The following CDK5RAP1 variants were observed in gnomAD, a reference collection of about 807,000 sequenced individuals.
The protein encoded by CDK5RAP1 is mitochondrial tRNA methylthiotransferase CDK5RAP1.
Under a neutral mutation model 64.5 loss-of-function variants are expected in CDK5RAP1, and 62 were observed. The observed-to-expected ratio is 0.96, with a 90% CI of 0.78 to 1.19. CDK5RAP1 has a LOEUF of 1.19. CDK5RAP1 is among the 50% of genes most tolerant of loss of function. The pLI is 0.00. For synonymous variants in CDK5RAP1, 250 were observed against 261.9 expected (o/e 0.95, Z 0.44); for missense variants, 657 against 735.0 (o/e 0.89, Z 1.23).
Position 33,396,839 on chromosome 20 carries a change from G to A in CDK5RAP1, c.226C>T (p.Gln76Ter). ...QHFLKSASAP[Q>*]EKLSSEVEDP... ...TCCACTTCTGAAGACAGCTTCTCCT[G>A]AGGAGCTGAGGCACTTTTTAAAAAA... Residue 76 changes from glutamine to a stop codon, truncating the protein, a stop_gained, in exon 2 of 14, where the codon CAG becomes TAG. Coordinates refer to ENST00000346416, the MANE Select transcript of CDK5RAP1 (RefSeq NM_016408.4). LOFTEE classifies it high-confidence loss of function. The A allele has an allele frequency of 1.9e-6, 3 of 1,614,146 alleles. No individual in the cohort carries two copies. Among genetic ancestry groups the A allele is most frequent in the South Asian group, 1.1e-5 (1 of 91,082 alleles).
chr20:33,368,459 ATTTTTTTTTTT>A (rs35954744), intron 11 of CDK5RAP1, among the ~76,000 whole-genome samples: 14 of 67,604 alleles, frequency 2.1e-4, no homozygotes, highest in East Asian at 1.0e-3. Context: ...CTCTCGGCTA[ATTTTTTTTTTT>A]TTTTTTTTTT....
At chr20:33,395,570 G>A (rs1170429570) in intron 2 of CDK5RAP1, among the ~76,000 whole-genome samples, 6 of 152,080 alleles carry the variant, frequency 3.9e-5, no homozygotes, top group Admixed American at 3.9e-4. Flanking sequence ...ACTGCACTCA[G>A]CCTGGGCAAT....
chr20:33,389,308 C>T (rs1044110306), intron 5 of CDK5RAP1, among the ~76,000 whole-genome samples: 211 of 151,398 alleles, frequency 1.4e-3, no homozygotes, highest in African/African-American at 4.8e-3. Context: ...CGTCTCTGCC[C>T]GGCCGCCCCG....
intron 12 of CDK5RAP1, 106 bp downstream of exon 12, chr20:33,366,753 G>C: frequency 1.9e-6 from 2 of 1,044,546 alleles, no homozygotes; most frequent in South Asian, 3.7e-5. Context: ...AATCACTTGA[G>C]CCCAGCAGTT....
intron 6 of CDK5RAP1, among the ~76,000 whole-genome samples, chr20:33,386,633 T>C (rs572312677): frequency 2.0e-5 from 3 of 152,262 alleles, no homozygotes; most frequent in Admixed American, 6.5e-5. Context: ...TCAATCTATC[T>C]GAAGGAAATA....
chr20:33,387,851 G>A (rs776648327), intron 5 of CDK5RAP1, among the ~76,000 whole-genome samples: 6 of 152,208 alleles, frequency 3.9e-5, no homozygotes, highest in Admixed American at 3.9e-4. Flanking sequence ...CGGATCACCT[G>A]AGGTTGAGAG....
chr20:33,366,811 T>C lies in CDK5RAP1; in HGVS notation c.1542+48A>G, dbSNP rs1984041067. 10 of 1,542,720 alleles carry C rather than the reference T, an allele frequency of 6.5e-6. No homozygotes were observed. In the East Asian group the frequency reaches 2.3e-4, roughly 36 times the overall value. On this transcript the variant is annotated intron_variant, in intron 12 of 13. Coordinates refer to ENST00000346416, the MANE Select transcript of CDK5RAP1 (RefSeq NM_016408.4). Reference sequence around the variant, plus strand: ...ATGAGGAAAAAAATCAAAGATCTAATGTTCTGAAACATAAAAAACAACATA... The same window carrying C: ...ATGAGGAAAAAAATCAAAGATCTAACGTTCTGAAACATAAAAAACAACATA...
rs974855369 is a variant in CDK5RAP1 at position 33,397,913 on chromosome 20, A to C, written c.-20-829T>G. Among the ~76,000 whole-genome samples, 5 of 152,074 alleles carry C rather than the reference A, an allele frequency of 3.3e-5. No homozygotes were observed. The East Asian group carries it at 9.6e-4, about 29-fold the overall frequency. ...AGGCTGAGACAGGAGAATCACTGGA[A>C]CCCAGGAAGCAGAAGTTGCTATGAA... On this transcript the variant is annotated intron_variant, in intron 1 of 13. Transcript: ENST00000346416.
In CDK5RAP1 at chr20:33,359,530, A is replaced by T. The variant is rs117715321; in HGVS notation, c.1684-407T>A. On this transcript the variant is annotated intron_variant, in intron 13 of 13. Transcript: ENST00000346416. ...TCTCCTCCAATTGAGAGCTAAAAGA[A>T]TGTGACCCCAAAGTTATCTGTGGTC... 4.1e-4 allele frequency: 73 copies of T among 178,296 alleles called. 2 individuals carry two copies. In the East Asian group the frequency reaches 0.011, roughly 26 times the overall value. 11.0% of individuals were successfully genotyped at this position (178,296 alleles called of 1,614,324 possible).
At chr20:33,361,786 T>C (rs1246071654) in intron 12 of CDK5RAP1, among the ~76,000 whole-genome samples, 3 of 151,782 alleles carry the variant, frequency 2.0e-5, no homozygotes, top group African/African-American at 7.3e-5. Context: ...CGAAACCCCG[T>C]CTCTACTGAA....
chr20:33,400,441 T>G (rs1410647738), intron 1 of CDK5RAP1, among the ~76,000 whole-genome samples: 2 of 152,198 alleles, frequency 1.3e-5, no homozygotes, highest in Non-Finnish European at 2.9e-5. Context: ...GTGTGACCTT[T>G]GGCAAGACAA....
intron 4 of CDK5RAP1, 34 bp from the exon 5 acceptor site, chr20:33,392,276 A>G (rs1988408747): frequency 1.5e-6 from 2 of 1,348,618 alleles, no homozygotes; most frequent in African/African-American, 2.9e-5. Context: ...ACTGAACCAA[A>G]AATAAACCAC....
chr20:33,365,524 G>A (rs920060764), intron 12 of CDK5RAP1, among the ~76,000 whole-genome samples: 2 of 147,574 alleles, frequency 1.4e-5, no homozygotes, highest in South Asian at 2.1e-4. Flanking sequence ...TACCCGCCTC[G>A]GCCCCCCAAA....
At position 33,379,666 on chromosome 20, in the gene CDK5RAP1, C is replaced by A. The variant is rs373612936; in HGVS notation, c.902G>T (p.Gly301Val). Reference protein sequence around the residue: ...EQGLKEVTLLGQNVNSFRDNS... With the variant: ...EQGLKEVTLLVQNVNSFRDNS... ...GTCCCGAAAACTATTAACATTCTGA[C>A]CAAGAAGTGTCACTTCTTTCAGCCC... The change falls in exon 8 of 14, where the codon GGT becomes GTT. Residue 301 changes from glycine to valine, a missense_variant. Transcript: ENST00000346416. 1 of 1,613,902 alleles carries A rather than the reference C, an allele frequency of 6.2e-7. No individual in the cohort carries two copies. The highest frequency in any genetic ancestry group is 8.5e-7 in the Non-Finnish European group (1 of 1,179,862).
At position 33,397,151 on chromosome 20, in the gene CDK5RAP1, C is replaced by G. The variant is rs1476751471; in HGVS notation, c.-20-67G>C. The G allele has an allele frequency of 6.7e-6, 8 of 1,195,960 alleles. No individual in the cohort carries two copies. In the East Asian group the frequency reaches 1.9e-4, roughly 29 times the overall value. The allele number at this position is 1,195,960 out of a possible 1,614,324, so 74.1% of individuals were successfully genotyped here. A position where few individuals can be genotyped will look rare whatever the true frequency, so the allele number is the denominator to read the frequency against. ...TATGGACAGGACACTGCTGTGAGCA[C>G]TTCAAGTGTATACATCTATTTACCC... On this transcript the variant is annotated intron_variant, in intron 1 of 13. Transcript: ENST00000346416.
At chr20:33,389,486 G>A (rs1476901217) in intron 5 of CDK5RAP1, among the ~76,000 whole-genome samples, 1 of 151,980 alleles carries the variant, frequency 6.6e-6, no homozygotes, top group Non-Finnish European at 1.5e-5. Flanking sequence ...CCGTCCGGGA[G>A]GGAGGTGGGG....
At chr20:33,383,509 G>C (rs1987026878) in intron 7 of CDK5RAP1, 1 of 152,186 alleles carries the variant, frequency 6.6e-6, no homozygotes. Context: ...GGAGGCCGAG[G>C]TGGGAGGAAC....
rs747367635 is a variant in CDK5RAP1 at position 33,387,387 on chromosome 20, G to A, written c.691C>T (p.Leu231=). 3.7e-6 allele frequency: 6 copies of A among 1,614,182 alleles called. No individual in the cohort carries two copies. In the South Asian group the frequency reaches 5.5e-5, roughly 15 times the overall value. The change falls in exon 6 of 14, where the codon CTG becomes TTG. Residue 231 remains leucine (L), a synonymous_variant. Transcript: ENST00000346416. ...ATGACATCAGCATAGGTCTCGTCCAGAGAGAGCAGCACGTTGGCAGCTTGC... is the reference window on the plus strand; with the variant it reads ...ATGACATCAGCATAGGTCTCGTCCAAAGAGAGCAGCACGTTGGCAGCTTGC... ...GQQAANVLLS[L]DETYADVMPV...
chr20:33,397,126 T>C (rs1294973741), intron 1 of CDK5RAP1, 42 bp from the exon 2 acceptor site: 2 of 1,450,614 alleles, frequency 1.4e-6, no homozygotes, highest in Non-Finnish European at 9.3e-7. Context: ...TATTGAACAC[T>C]ATGGACAGGA....
Sources: gnomAD v4.1 joint callset for allele counts (sites outside exome capture counted in the v4.1 genomes callset) on GRCh38, gnomAD v4.1.1 for gene constraint, MANE v1.5 for transcripts, NCBI Gene and HGNC (gene_info 2026-07-23, HGNC 2026-07-21) for gene names.